The following FSTL4 variants were observed in gnomAD, a reference collection of about 807,000 sequenced individuals.
FSTL4 encodes follistatin like 4.
In FSTL4, 28 loss-of-function variants were observed where a neutral mutation model predicts 78.2. The ratio of observed to expected loss-of-function variants is 0.36; its 90% CI spans 0.27 to 0.49. The LOEUF (loss-of-function observed/expected upper bound fraction) is 0.49, where lower values mean the gene tolerates loss of function less well. Ranked by LOEUF, FSTL4 falls within the 20% of genes least tolerant of loss-of-function variation. FSTL4 has a pLI of 0.98. For synonymous variants in FSTL4, 422 were observed against 440.5 expected (o/e 0.96, Z 0.53); for missense variants, 922 against 1,084.9 (o/e 0.85, Z 2.11).
chr5:133,561,776 T>C (rs568235149), intron 3 of FSTL4, among the ~76,000 whole-genome samples: 78 of 152,260 alleles, frequency 5.1e-4, no homozygotes, highest in Non-Finnish European at 1.0e-3. Context: ...GTTGAGTAAC[T>C]TACCTGAAGT....
the FSTL4 span, among the ~76,000 whole-genome samples, chr5:133,683,241 C>A: frequency 1.3e-5 from 2 of 152,262 alleles, no homozygotes; most frequent in African/African-American, 4.8e-5. Flanking sequence ...AGGGAGGGCA[C>A]CAGTGGACAG....
rs541127974 is a variant in FSTL4 at position 133,315,236 on chromosome 5, C to T, written c.603+1223G>A. Reference sequence around the variant, plus strand: ...TTAGCTCATTTAACCCTCATGATGACCCTGTGAGGTTCACAGCTGAACACA... The same window carrying T: ...TTAGCTCATTTAACCCTCATGATGATCCTGTGAGGTTCACAGCTGAACACA... On this transcript the variant is annotated intron_variant, in intron 5 of 15. Transcript: ENST00000265342. Among the ~76,000 whole-genome samples the T allele has an allele frequency of 2.1e-4, 32 of 152,352 alleles. No individual in the cohort carries two copies. The South Asian group carries it at 5.6e-3, about 27-fold the overall frequency.
At chr5:133,265,187 C>A (rs1752617510) in intron 6 of FSTL4, among the ~76,000 whole-genome samples, 1 of 151,990 alleles carries the variant, frequency 6.6e-6, no homozygotes, top group African/African-American at 2.4e-5. Flanking sequence ...GAGCGGGCTC[C>A]TCTGCCTGGC....
intron 3 of FSTL4, among the ~76,000 whole-genome samples, chr5:133,417,755 T>G (rs989797722): frequency 2.6e-5 from 4 of 151,626 alleles, no homozygotes; most frequent in African/African-American, 9.7e-5. Flanking sequence ...GTCAGGAGTT[T>G]GAGACCAGCT....
the FSTL4 span, among the ~76,000 whole-genome samples, chr5:133,743,205 G>T: frequency 3.3e-5 from 5 of 152,152 alleles, no homozygotes; most frequent in East Asian, 9.6e-4. Flanking sequence ...CTCTCATTTC[G>T]TAAGTGAGGC....
chr5:133,223,550 G>A (rs1351277197), intron 11 of FSTL4, among the ~76,000 whole-genome samples: 1 of 152,132 alleles, frequency 6.6e-6, no homozygotes, highest in East Asian at 1.9e-4. Flanking sequence ...ACCCGGGCAT[G>A]CACCTGCACC....
the FSTL4 span, among the ~76,000 whole-genome samples, chr5:133,645,728 G>T: frequency 6.6e-6 from 1 of 152,126 alleles, no homozygotes; most frequent in East Asian, 1.9e-4. Context: ...GGAAGAGGGA[G>T]ATTTGACAGG....
chr5:133,745,016 T>C, the FSTL4 span, among the ~76,000 whole-genome samples: 1,155 of 152,286 alleles, frequency 7.6e-3, 12 homozygotes, highest in African/African-American at 0.026. Flanking sequence ...AGGCTGTTTG[T>C]TTTCAGGAAT....
chr5:133,501,556 C>G (rs1258156750), intron 3 of FSTL4, among the ~76,000 whole-genome samples: 2 of 152,134 alleles, frequency 1.3e-5, no homozygotes, highest in Non-Finnish European at 2.9e-5. Flanking sequence ...GACATGGGAT[C>G]TATTTTTAGG....
chr5:133,240,052 G>A (rs760770714), intron 7 of FSTL4, among the ~76,000 whole-genome samples: 1 of 152,192 alleles, frequency 6.6e-6, no homozygotes, highest in Non-Finnish European at 1.5e-5. Context: ...TGCAATAAAT[G>A]CTGCTGCTCA....
At chr5:133,455,204 A>G (rs1450970042) in intron 3 of FSTL4, among the ~76,000 whole-genome samples, 1 of 152,066 alleles carries the variant, frequency 6.6e-6, no homozygotes, top group East Asian at 1.9e-4. Context: ...CCATGTTTAG[A>G]TTTCCTCCTC....
At chr5:133,269,564 T>G (rs184353535) in intron 6 of FSTL4, among the ~76,000 whole-genome samples, 50 of 152,368 alleles carry the variant, frequency 3.3e-4, no homozygotes, top group African/African-American at 7.9e-4. Flanking sequence ...TACAGGCAGC[T>G]GGACTTGAAG....
chr5:133,661,881 T>C, the FSTL4 span, among the ~76,000 whole-genome samples: 1 of 152,266 alleles, frequency 6.6e-6, no homozygotes, highest in African/African-American at 2.4e-5. Context: ...CACATTTTTA[T>C]TAACTTGTCC....
intron 6 of FSTL4, among the ~76,000 whole-genome samples, chr5:133,312,218 C>T (rs1275164260): frequency 6.6e-6 from 1 of 152,136 alleles, no homozygotes; most frequent in East Asian, 1.9e-4. Context: ...CTTGGGTAGT[C>T]ACTGCTCCCT....
chr5:133,657,759 G>GTTTTTT, the FSTL4 span, among the ~76,000 whole-genome samples: 3 of 111,768 alleles, frequency 2.7e-5, no homozygotes, highest in Non-Finnish European at 5.5e-5. Context: ...CTAGCTTACT[G>GTTTTTT]TTTTTTGTTT....
the FSTL4 span, among the ~76,000 whole-genome samples, chr5:133,679,273 G>A: frequency 1.1e-3 from 168 of 152,262 alleles, no homozygotes; most frequent in African/African-American, 3.7e-3. Flanking sequence ...GAAAGCAGAT[G>A]TTCAGCATAA....
At chr5:133,627,558 C>T in the FSTL4 span, among the ~76,000 whole-genome samples, 1 of 152,138 alleles carries the variant, frequency 6.6e-6, no homozygotes, top group Non-Finnish European at 1.5e-5. Flanking sequence ...ATATGATCTG[C>T]TGTTAATATA....
At chr5:133,650,116 C>G in the FSTL4 span, among the ~76,000 whole-genome samples, 2 of 152,056 alleles carry the variant, frequency 1.3e-5, no homozygotes, top group Non-Finnish European at 2.9e-5. Context: ...GTGCCAGGCT[C>G]TTTCTACCAG....
At chr5:133,782,258 T>A in the FSTL4 span, among the ~76,000 whole-genome samples, 2 of 152,242 alleles carry the variant, frequency 1.3e-5, no homozygotes, top group Non-Finnish European at 2.9e-5. Context: ...AAAGACATAT[T>A]TTATAACTAC....
Sources: allele counts gnomAD v4.1 joint callset (sites outside exome capture counted in the v4.1 genomes callset), GRCh38; gene constraint gnomAD v4.1.1; transcripts MANE v1.5; gene names NCBI Gene and HGNC (gene_info 2026-07-23, HGNC 2026-07-21).